NAV2: variants seen among roughly 807,000 people sequenced by gnomAD.
NAV2 encodes the protein helicase, APC down-regulated 1.
A neutral mutation model predicts 223.2 loss-of-function variants in NAV2; 54 were observed. The observed-to-expected ratio is 0.24, with a 90% CI of 0.19 to 0.30. The LOEUF (loss-of-function observed/expected upper bound fraction) is 0.30. Among genes scored for constraint, NAV2 ranks in the 10% least tolerant of loss-of-function variants. NAV2 has a pLI of 1.00. For missense variants in NAV2, 2,806 were observed against 3,147.5 expected, an observed-to-expected ratio of 0.89 and a Z score of 2.60; for synonymous variants, 1,279 against 1,239.3, an observed-to-expected ratio of 1.03 and a Z score of -0.67.
chr11:20,010,994 AAATCAGGCTTTCCCAT>A (rs1405889059), intron 11 of NAV2, among the ~76,000 whole-genome samples: 2 of 152,214 alleles, frequency 1.3e-5, no homozygotes, highest in Non-Finnish European at 2.9e-5. Context: ...GCTAGGAATG[AAATCAGGCTTTCCCAT>A]CTCTCTAGTC....
intron 10 of NAV2, among the ~76,000 whole-genome samples, chr11:19,979,470 A>G (rs547983181): frequency 2.0e-4 from 30 of 152,138 alleles, no homozygotes; most frequent in African/African-American, 6.7e-4. Flanking sequence ...CCCCTCTGCC[A>G]TTTCTCTCTG....
chr11:19,912,209 G>T (rs1291257334), intron 6 of NAV2, among the ~76,000 whole-genome samples: 1 of 152,136 alleles, frequency 6.6e-6, no homozygotes, highest in African/African-American at 2.4e-5. Context: ...TTTTGAAATA[G>T]AAAAAATGGA....
At chr11:19,468,534 T>A (rs753176405) in intron 1 of NAV2, among the ~76,000 whole-genome samples, 45 of 152,320 alleles carry the variant, frequency 3.0e-4, no homozygotes, top group Non-Finnish European at 5.9e-4. Flanking sequence ...GTCTCTCTCC[T>A]CTTCTTATAA....
In NAV2 at chr11:19,961,103, T is replaced by C. The variant is rs149913919; in HGVS notation, c.2645+12023T>C. 8.1e-4 allele frequency among the ~76,000 whole-genome samples: 124 copies of C among 152,250 alleles called. 1 individual carries two copies. The highest frequency in any genetic ancestry group is 1.0e-3 in the Admixed American group (16 of 15,296). On this transcript the variant is annotated intron_variant, in intron 10 of 37. Transcript: ENST00000349880. The stretch of plus-strand genomic sequence containing the variant: ...CCAAATCCATATTTCTTTTCTTTTT[T>C]TAATTTAAAATTTTTTTCTCTTTTT...
At chr11:19,664,371 G>T (rs1212182429) in intron 1 of NAV2, among the ~76,000 whole-genome samples, 1 of 152,142 alleles carries the variant, frequency 6.6e-6, no homozygotes, top group East Asian at 1.9e-4. Flanking sequence ...AGCTAGATTT[G>T]CCAGTTTCCT....
chr11:19,934,301 C>A, intron 7 of NAV2, 24 bp downstream of exon 7: 1 of 1,532,026 alleles, frequency 6.5e-7, no homozygotes, highest in Non-Finnish European at 8.8e-7. Context: ...CCCACCTGTG[C>A]TGCCTGGGAC....
At chr11:19,657,837 G>T (rs548529623) in intron 1 of NAV2, among the ~76,000 whole-genome samples, 105 of 152,268 alleles carry the variant, frequency 6.9e-4, no homozygotes, top group South Asian at 1.7e-3. Flanking sequence ...ACCAGGAAGG[G>T]GAGCCCAGGG....
At chr11:20,033,215 A>C (rs965550834) in intron 11 of NAV2, among the ~76,000 whole-genome samples, 1 of 152,244 alleles carries the variant, frequency 6.6e-6, no homozygotes, top group Non-Finnish European at 1.5e-5. Context: ...CCTACCTTGC[A>C]GGTATGATAT....
In NAV2 at chr11:19,827,611, C is replaced by T. The variant is rs143583517; in HGVS notation, c.268-4873C>T. Among the ~76,000 whole-genome samples the T allele has an allele frequency of 4.3e-3, 658 of 152,344 alleles. 4 individuals carry two copies. Among genetic ancestry groups the T allele is most frequent in the African/African-American group, 0.014 (601 of 41,570 alleles). ...TCCAAAGGCTGCATTCTTCCACACA[C>T]GCTGCCTCCCCTTCAAAGGCTGGAG... On this transcript the variant is annotated intron_variant, in intron 1 of 37. Coordinates refer to ENST00000349880, the MANE Select transcript of NAV2 (RefSeq NM_145117.5).
At chr11:19,561,657 G>A (rs1039816821) in intron 1 of NAV2, among the ~76,000 whole-genome samples, 4 of 152,144 alleles carry the variant, frequency 2.6e-5, no homozygotes, top group African/African-American at 7.2e-5. Context: ...AAATTGCCAC[G>A]GATCCCAAAT....
chr11:19,775,209 A>G (rs897329538), intron 1 of NAV2, among the ~76,000 whole-genome samples: 2 of 152,206 alleles, frequency 1.3e-5, no homozygotes, highest in Non-Finnish European at 2.9e-5. Context: ...TTAATACAGA[A>G]TATGCTTTTT....
chr11:19,637,073 C>A (rs2135532959), intron 1 of NAV2, among the ~76,000 whole-genome samples: 1 of 152,326 alleles, frequency 6.6e-6, no homozygotes, highest in East Asian at 1.9e-4. Context: ...TCCAAGAAAA[C>A]AAGTTTTCCA....
At chr11:19,514,077 C>A (rs193232054) in intron 1 of NAV2, among the ~76,000 whole-genome samples, 3 of 149,218 alleles carry the variant, frequency 2.0e-5, no homozygotes, top group African/African-American at 4.9e-5. Flanking sequence ...CAGTCTCTAC[C>A]CTGCCCCACC....
At chr11:19,806,014 A>G (rs2058541539) in intron 1 of NAV2, among the ~76,000 whole-genome samples, 1 of 152,096 alleles carries the variant, frequency 6.6e-6, no homozygotes. Context: ...TTATTTATTT[A>G]TTTTGTCCCC....
chr11:19,565,978 C>A (rs1281610570), intron 1 of NAV2, among the ~76,000 whole-genome samples: 1 of 152,136 alleles, frequency 6.6e-6, no homozygotes, highest in African/African-American at 2.4e-5. Context: ...ATGTCAGCAA[C>A]CTATGGATAG....
At chr11:19,375,096 C>G (rs1467531702) in intron 1 of NAV2, among the ~76,000 whole-genome samples, 2 of 152,238 alleles carry the variant, frequency 1.3e-5, no homozygotes, top group African/African-American at 4.8e-5. Context: ...TGATCTTATA[C>G]TTCTGTGTTC....
intron 1 of NAV2, among the ~76,000 whole-genome samples, chr11:19,698,658 A>G (rs979248442): frequency 2.0e-5 from 3 of 152,150 alleles, no homozygotes; most frequent in Admixed American, 1.3e-4. Context: ...ACCTTTCTGG[A>G]AGGGTTTGTG....
At position 20,094,333 on chromosome 11, in the gene NAV2, G is replaced by A. The variant is rs557787589; in HGVS notation, c.5916+1134G>A. On this transcript the variant is annotated intron_variant, in intron 29 of 37. Coordinates refer to ENST00000349880, the MANE Select transcript of NAV2 (RefSeq NM_145117.5). The stretch of plus-strand genomic sequence containing the variant: ...CAACCTCTGCCTCCCAGGTTCAAGC[G>A]ATTCTTCTGCCTCAGCCTTCCAAGT... Among the ~76,000 whole-genome samples the A allele has an allele frequency of 1.5e-4, 22 of 143,874 alleles. No individual in the cohort carries two copies. The South Asian group carries it at 3.8e-3, about 25-fold the overall frequency. 94.4% of individuals were successfully genotyped at this position (143,874 alleles called of 152,430 possible).
chr11:19,912,798 C>G (rs1258183755), intron 6 of NAV2, among the ~76,000 whole-genome samples: 1 of 152,194 alleles, frequency 6.6e-6, no homozygotes, highest in African/African-American at 2.4e-5. Flanking sequence ...TGCTTACAGA[C>G]TGACTTCCCT....
Sources: allele counts gnomAD v4.1 joint callset (sites outside exome capture counted in the v4.1 genomes callset), GRCh38; gene constraint gnomAD v4.1.1; transcripts MANE v1.5; gene names NCBI Gene and HGNC (gene_info 2026-07-23, HGNC 2026-07-21).